RALGPS1: variants seen among roughly 807,000 people sequenced by gnomAD.
RALGPS1 encodes the protein Ral GEF with PH domain and SH3 binding motif 1.
Under a neutral mutation model 78.8 loss-of-function variants are expected in RALGPS1, and 19 were observed. The ratio of observed to expected loss-of-function variants is 0.24; its 90% CI spans 0.17 to 0.35. The LOEUF (loss-of-function observed/expected upper bound fraction) is 0.35. RALGPS1 is among the 10% of genes least tolerant of loss of function. The pLI is 1.00. For missense variants in RALGPS1, 454 were observed against 688.3 expected (o/e 0.66, Z 3.81); for synonymous variants, 228 against 256.3 (o/e 0.89, Z 1.06).
At chr9:127,214,621 G>A (rs746857734) in intron 17 of RALGPS1, 130 bp from the exon 18 acceptor site, 28 of 1,404,546 alleles carry the variant, frequency 2.0e-5, no homozygotes, top group Non-Finnish European at 2.6e-5. Flanking sequence ...TGCTTTCTCT[G>A]CATGTTCCAG....
At chr9:126,939,257 G>A (rs1411484769) in intron 1 of RALGPS1, among the ~76,000 whole-genome samples, 1 of 152,180 alleles carries the variant, frequency 6.6e-6, no homozygotes, top group African/African-American at 2.4e-5. Context: ...GGCAGCTTGG[G>A]TGCTCATGGG....
intron 4 of RALGPS1, among the ~76,000 whole-genome samples, chr9:127,020,921 C>T (rs1329593884): frequency 6.6e-6 from 1 of 152,160 alleles, no homozygotes; most frequent in African/African-American, 2.4e-5. Context: ...GTACCTATTT[C>T]ATAGGGGTGT....
In RALGPS1 at chr9:126,939,836, G is replaced by C. The variant is rs1226471499; in HGVS notation, c.-65-22389G>C. On this transcript the variant is annotated intron_variant, in intron 1 of 18. Transcript: ENST00000259351. ...CAAGCGTTGCGGAGGGCTAAGCAGA[G>C]AGCCTGCAGAGGAAGGCCATGGACC... Among the ~76,000 whole-genome samples, 4 of 152,356 alleles carry C rather than the reference G, an allele frequency of 2.6e-5. No homozygotes were observed. In the East Asian group the frequency reaches 7.7e-4, roughly 29 times the overall value.
At position 127,091,780 on chromosome 9, in the gene RALGPS1, T is replaced by C. The variant is rs1482413241; in HGVS notation, c.610+22424T>C. 6.2e-7 allele frequency: 1 copy of C among 1,614,166 alleles called. No homozygotes were observed. Among genetic ancestry groups the C allele is most frequent in the Non-Finnish European group, 8.5e-7 (1 of 1,180,028 alleles). On this transcript the variant is annotated intron_variant, in intron 8 of 18. Coordinates refer to ENST00000259351, the MANE Select transcript of RALGPS1 (RefSeq NM_014636.3). The surrounding 1 kb of genome is among the most constrained non-coding windows in gnomAD (Gnocchi z 4.3). ...GCGCCCCAGCCGCAGCTTATAATACTCGCTCTCAGGTTCCAGGCGGAAACT... is the reference window on the plus strand; with the variant it reads ...GCGCCCCAGCCGCAGCTTATAATACCCGCTCTCAGGTTCCAGGCGGAAACT...
At chr9:127,195,309 C>A in intron 12 of RALGPS1, 92 bp downstream of exon 12, 1 of 1,477,832 alleles carries the variant, frequency 6.8e-7, no homozygotes, top group Admixed American at 1.9e-5. Context: ...TGGCTGGGTC[C>A]CTCCCCTGCC....
At chr9:126,923,231 C>G (rs924738342) in intron 1 of RALGPS1, among the ~76,000 whole-genome samples, 1 of 152,178 alleles carries the variant, frequency 6.6e-6, no homozygotes, top group Non-Finnish European at 1.5e-5. Flanking sequence ...TTATTCCAGC[C>G]TTATGTTGAT....
intron 18 of RALGPS1, among the ~76,000 whole-genome samples, chr9:127,215,879 CCT>C (rs2062550866): frequency 1.3e-5 from 2 of 152,170 alleles, no homozygotes; most frequent in Non-Finnish European, 1.5e-5. Flanking sequence ...AAGCAGGAGT[CCT>C]CTCCTAGCCC....
intron 4 of RALGPS1, among the ~76,000 whole-genome samples, chr9:127,012,160 A>G (rs1218381750): frequency 6.6e-6 from 1 of 152,128 alleles, no homozygotes; most frequent in Non-Finnish European, 1.5e-5. Flanking sequence ...TGAGGGTGTG[A>G]ATCTTCAGAT....
At chr9:127,217,009 G>A in intron 18 of RALGPS1, 1 of 1,524,712 alleles carries the variant, frequency 6.6e-7, no homozygotes, top group South Asian at 1.2e-5. Context: ...TGAAGCCTGG[G>A]CACCATGGTG....
chr9:127,045,251 A>G (rs1380595252), intron 5 of RALGPS1, among the ~76,000 whole-genome samples: 3 of 152,240 alleles, frequency 2.0e-5, no homozygotes, highest in South Asian at 4.1e-4. Flanking sequence ...GTTACGTATA[A>G]TATTACAAAA....
At chr9:126,959,688 A>C (rs2038695552) in intron 1 of RALGPS1, among the ~76,000 whole-genome samples, 1 of 151,882 alleles carries the variant, frequency 6.6e-6, no homozygotes, top group South Asian at 2.1e-4. Context: ...TCTTGACTAG[A>C]TTCAGCCATC....
chr9:127,209,438 T>C (rs1433343427), intron 14 of RALGPS1, among the ~76,000 whole-genome samples: 3 of 152,190 alleles, frequency 2.0e-5, no homozygotes, highest in African/African-American at 4.8e-5. Context: ...GAGGTGGCCA[T>C]TGGGCCAGTG....
rs77671721 is a variant in RALGPS1, at chr9:127,022,204, G to T, written c.217-12227G>T. Among the ~76,000 whole-genome samples the T allele has an allele frequency of 5.6e-3, 854 of 152,136 alleles. 27 individuals carry two copies. The East Asian group carries it at 0.081, about 14-fold the overall frequency. ...TGTGGTTTGTCTAGCCAGGGGTTCT[G>T]GGGCCTCGGGAGGCCCTCATGTTCA... On this transcript the variant is annotated intron_variant, in intron 4 of 18. Transcript: ENST00000259351.
chr9:127,069,241 A>G lies in RALGPS1; in HGVS notation c.495A>G (p.Arg165=), dbSNP rs756468402. Residue 165 remains arginine (R), a synonymous_variant, in exon 8 of 19, where the codon CGA becomes CGG. Coordinates refer to ENST00000259351, the MANE Select transcript of RALGPS1 (RefSeq NM_014636.3). ...RLTKTWALLN[R]KDKTTFEKLD... Reference sequence around the variant, plus strand: ...TCTTCTCATTCTAGCTTTTAAATCGAAAAGACAAGACTACCTTTGAGAAAT... The same window carrying G: ...TCTTCTCATTCTAGCTTTTAAATCGGAAAGACAAGACTACCTTTGAGAAAT... The G allele has an allele frequency of 1.2e-6, 2 of 1,607,684 alleles. No individual in the cohort carries two copies. The highest frequency in any genetic ancestry group is 1.1e-5 in the South Asian group (1 of 90,442).
At chr9:127,152,954 G>T (rs2058506315) in intron 8 of RALGPS1, among the ~76,000 whole-genome samples, 1 of 152,220 alleles carries the variant, frequency 6.6e-6, no homozygotes, top group Admixed American at 6.5e-5. Flanking sequence ...TCTCCCAGAT[G>T]AAGAAAGCAA....
chr9:127,029,705 G>A (rs550107144), intron 4 of RALGPS1, among the ~76,000 whole-genome samples: 4 of 152,342 alleles, frequency 2.6e-5, no homozygotes, highest in South Asian at 2.1e-4. Flanking sequence ...CCTGTGGCCC[G>A]ATGGCCTAGA....
chr9:126,951,469 C>T (rs1271867916), intron 1 of RALGPS1, among the ~76,000 whole-genome samples: 5 of 151,734 alleles, frequency 3.3e-5, no homozygotes, highest in Admixed American at 6.6e-5. Flanking sequence ...GCTTATCCAC[C>T]GTGATCAAGT....
At chr9:126,974,746 C>T (rs537132120) in intron 3 of RALGPS1, among the ~76,000 whole-genome samples, 1 of 152,242 alleles carries the variant, frequency 6.6e-6, no homozygotes, top group East Asian at 1.9e-4. Flanking sequence ...CTCAGCCCCA[C>T]TACTGGCCGG....
chr9:126,960,555 T>C (rs936793847), intron 1 of RALGPS1, among the ~76,000 whole-genome samples: 2 of 152,028 alleles, frequency 1.3e-5, no homozygotes, highest in African/African-American at 2.4e-5. Flanking sequence ...TTTGACAGCA[T>C]ACTTCTGTGT....
Sources: allele counts gnomAD v4.1 joint callset (sites outside exome capture counted in the v4.1 genomes callset), GRCh38; gene constraint gnomAD v4.1.1; non-coding constraint Gnocchi (gnomAD v3.1); transcripts MANE v1.5; gene names NCBI Gene and HGNC (gene_info 2026-07-23, HGNC 2026-07-21).